The following PTPRD variants were observed in gnomAD, a reference collection of about 807,000 sequenced individuals.
PTPRD encodes the protein receptor-type tyrosine-protein phosphatase delta.
In PTPRD, 34 loss-of-function variants were observed where a neutral mutation model predicts 214.5. That is an observed-to-expected ratio of 0.16 (90% CI 0.12 to 0.21). The LOEUF (loss-of-function observed/expected upper bound fraction) is 0.21, where lower values mean the gene tolerates loss of function less well. Ranked by LOEUF, PTPRD falls within the 10% of genes least tolerant of loss-of-function variation. The pLI, the probability that PTPRD is intolerant of heterozygous loss-of-function variation, is 1.00. For synonymous variants in PTPRD, 1,128 were observed against 845.7 expected (o/e 1.33, Z -5.79); for missense variants, 2,545 against 2,398.7 (o/e 1.06, Z -1.27).
At chr9:8,871,318 T>A (rs1219393261) in intron 11 of PTPRD, among the ~76,000 whole-genome samples, 2 of 152,186 alleles carry the variant, frequency 1.3e-5, no homozygotes, top group African/African-American at 2.4e-5. Flanking sequence ...TTCACGGAGC[T>A]GAAAAATGGA....
intron 5 of PTPRD, among the ~76,000 whole-genome samples, chr9:9,875,932 G>C (rs565511927): frequency 6.6e-6 from 1 of 152,152 alleles, no homozygotes; most frequent in African/African-American, 2.4e-5. Context: ...GAAGCAGAAA[G>C]ATGGGATGAG....
intron 7 of PTPRD, among the ~76,000 whole-genome samples, chr9:9,584,731 C>A (rs977398956): frequency 6.6e-6 from 1 of 151,896 alleles, no homozygotes; most frequent in Non-Finnish European, 1.5e-5. Flanking sequence ...TTACCATGCA[C>A]CCTTTATGCT....
intron 4 of PTPRD, among the ~76,000 whole-genome samples, chr9:9,950,147 T>C (rs1257887907): frequency 3.3e-5 from 5 of 152,184 alleles, no homozygotes; most frequent in Non-Finnish European, 5.9e-5. Flanking sequence ...CAACGACCTT[T>C]GTGTGAACTG....
chr9:9,324,580 T>C (rs1334335317), intron 9 of PTPRD, among the ~76,000 whole-genome samples: 6 of 152,340 alleles, frequency 3.9e-5, no homozygotes. Flanking sequence ...ATTTGTAGAT[T>C]CTGGATATTA....
intron 7 of PTPRD, among the ~76,000 whole-genome samples, chr9:9,618,869 C>T (rs192136729): frequency 2.0e-5 from 3 of 151,736 alleles, no homozygotes; most frequent in African/African-American, 7.2e-5. Flanking sequence ...TTAGGGAAGG[C>T]CCTGGAAAAT....
intron 9 of PTPRD, among the ~76,000 whole-genome samples, chr9:9,242,293 C>T (rs1474630682): frequency 6.6e-6 from 1 of 152,100 alleles, no homozygotes; most frequent in Non-Finnish European, 1.5e-5. Context: ...TCCTTCATGT[C>T]AACTTTGGTG....
chr9:8,423,013 G>T (rs1404259608), intron 35 of PTPRD, among the ~76,000 whole-genome samples: 2 of 152,166 alleles, frequency 1.3e-5, no homozygotes, highest in Non-Finnish European at 2.9e-5. Context: ...GGCAATAGAA[G>T]AGACTCGACC....
intron 3 of PTPRD, among the ~76,000 whole-genome samples, chr9:10,158,282 A>G (rs755079257): frequency 8.5e-5 from 13 of 152,196 alleles, no homozygotes; most frequent in Non-Finnish European, 1.3e-4. Flanking sequence ...TGTTGGGGTT[A>G]CAGGCGTGAG....
rs1180747192 is a variant in PTPRD, at chr9:8,321,475, GTGTGTGTGTGTGTATATATA to G, written c.5535-1529_5535-1510del. On this transcript the variant is annotated intron_variant, in intron 44 of 45. Coordinates refer to ENST00000381196, the MANE Select transcript of PTPRD (RefSeq NM_002839.4). ...AGAAGTCTTCTTTGTGTGTGTGTGT[GTGTGTGTGTGTGTATATATA>G]TATATATATATATATATATATATAT... Among the ~76,000 whole-genome samples, 140 of 99,992 alleles carry G rather than the reference GTGTGTGTGTGTGTATATATA, an allele frequency of 1.4e-3. 2 individuals are homozygous for G. The highest frequency in any genetic ancestry group is 5.5e-3 in the African/African-American group (138 of 25,084). 65.6% of individuals were successfully genotyped at this position (99,992 alleles called of 152,430 possible). A position where few individuals can be genotyped will look rare whatever the true frequency, so the allele number is the denominator to read the frequency against.
chr9:8,651,233 G>C (rs1161532447), intron 12 of PTPRD, among the ~76,000 whole-genome samples: 1 of 152,150 alleles, frequency 6.6e-6, no homozygotes, highest in South Asian at 2.1e-4. Context: ...ATGGATCTCT[G>C]CATTTTCACA....
At chr9:10,183,996 A>T (rs1017917185) in intron 3 of PTPRD, among the ~76,000 whole-genome samples, 2 of 152,228 alleles carry the variant, frequency 1.3e-5, no homozygotes, top group Non-Finnish European at 2.9e-5. Context: ...AAATTTTAAC[A>T]CATCTGGTCA....
intron 10 of PTPRD, among the ~76,000 whole-genome samples, chr9:9,037,532 G>A (rs886885681): frequency 1.3e-5 from 2 of 152,222 alleles, no homozygotes; most frequent in East Asian, 1.9e-4. Flanking sequence ...TAAAACTTCC[G>A]TGCTGTGCTC....
chr9:9,635,064 C>G (rs1269313000), intron 7 of PTPRD, among the ~76,000 whole-genome samples: 1 of 152,058 alleles, frequency 6.6e-6, no homozygotes, highest in South Asian at 2.1e-4. Context: ...TAGGACATAT[C>G]CTTACTATTT....
At chr9:9,410,681 G>A (rs1375073142) in intron 8 of PTPRD, among the ~76,000 whole-genome samples, 1 of 152,114 alleles carries the variant, frequency 6.6e-6, no homozygotes, top group Non-Finnish European at 1.5e-5. Context: ...ACACCATAAA[G>A]CAACCATGAT....
rs10959089 is a variant in PTPRD at position 10,391,363 on chromosome 9, G to A, written c.-599-50346C>T. Reference sequence around the variant, plus strand: ...GTCTTGATCCATCATAGTCAGAGAGGGGCCTAATATAATGTTTTTCCGTTA... The same window carrying A: ...GTCTTGATCCATCATAGTCAGAGAGAGGCCTAATATAATGTTTTTCCGTTA... On this transcript the variant is annotated intron_variant, in intron 2 of 45. Transcript: ENST00000381196. Among the ~76,000 whole-genome samples, 92 of 151,446 alleles carry A rather than the reference G, an allele frequency of 6.1e-4. 1 individual carries two copies. The highest frequency in any genetic ancestry group is 1.7e-3 in the African/African-American group (71 of 41,342).
intron 45 of PTPRD, among the ~76,000 whole-genome samples, chr9:8,318,341 C>T (rs1823579866): frequency 6.6e-6 from 1 of 152,044 alleles, no homozygotes. Context: ...AACTAATTCT[C>T]AGTTTAAATA....
intron 9 of PTPRD, among the ~76,000 whole-genome samples, chr9:9,268,307 G>C (rs908987173): frequency 1.3e-5 from 2 of 150,740 alleles, no homozygotes; most frequent in South Asian, 2.1e-4. Flanking sequence ...AATTTAACTA[G>C]GGAGGTAAAA....
intron 30 of PTPRD, among the ~76,000 whole-genome samples, chr9:8,473,269 T>A (rs1216651307): frequency 6.6e-6 from 1 of 152,114 alleles, no homozygotes; most frequent in Non-Finnish European, 1.5e-5. Flanking sequence ...CAAACAATCA[T>A]AATGATCAAG....
At chr9:8,968,904 T>C (rs1169360465) in intron 11 of PTPRD, among the ~76,000 whole-genome samples, 1 of 152,076 alleles carries the variant, frequency 6.6e-6, no homozygotes, top group Non-Finnish European at 1.5e-5. Flanking sequence ...GAAGATTGAA[T>C]GGAAAAAGTT....
Sources: gnomAD v4.1 joint callset for allele counts (sites outside exome capture counted in the v4.1 genomes callset) on GRCh38, gnomAD v4.1.1 for gene constraint, MANE v1.5 for transcripts, NCBI Gene and HGNC (gene_info 2026-07-23, HGNC 2026-07-21) for gene names.